Variants in THSD7A observed in about 807,000 individuals in gnomAD.
The protein encoded by THSD7A is thrombospondin type 1 domain containing 7A.
A neutral mutation model predicts 231.3 loss-of-function variants in THSD7A; 96 were observed. That is an observed-to-expected ratio of 0.41 (90% CI 0.35 to 0.49). The LOEUF (loss-of-function observed/expected upper bound fraction) is 0.49. Ranked by LOEUF, THSD7A falls within the 20% of genes least tolerant of loss-of-function variation. The pLI, the probability that THSD7A is intolerant of heterozygous loss-of-function variation, is 0.05. For missense variants in THSD7A, 2,290 were observed against 2,070.2 expected (o/e 1.11, Z -2.06); for synonymous variants, 940 against 743.3 (o/e 1.26, Z -4.30).
intron 9 of THSD7A, among the ~76,000 whole-genome samples, chr7:11,466,854 C>G (rs1458529099): frequency 1.3e-5 from 2 of 152,030 alleles, no homozygotes; most frequent in African/African-American, 4.8e-5. Context: ...TGCATTTTTA[C>G]TTACAGAGGT....
At chr7:11,787,227 A>G (rs1783820330) in intron 1 of THSD7A, among the ~76,000 whole-genome samples, 1 of 152,012 alleles carries the variant, frequency 6.6e-6, no homozygotes, top group Non-Finnish European at 1.5e-5. Flanking sequence ...TATATAATCT[A>G]GACACAGATC....
intron 1 of THSD7A, among the ~76,000 whole-genome samples, chr7:11,651,864 T>C (rs190855109): frequency 1.3e-5 from 2 of 152,100 alleles, no homozygotes; most frequent in African/African-American, 2.4e-5. Context: ...ATATTCTAAG[T>C]TCATCATCTG....
intron 1 of THSD7A, among the ~76,000 whole-genome samples, chr7:11,776,061 G>A (rs1386855065): frequency 6.6e-6 from 1 of 152,074 alleles, no homozygotes; most frequent in Non-Finnish European, 1.5e-5. Context: ...GGTTTCCTTT[G>A]TGGACCTCTT....
chr7:11,592,922 C>A (rs1780221271), intron 3 of THSD7A, among the ~76,000 whole-genome samples: 1 of 151,944 alleles, frequency 6.6e-6, no homozygotes, highest in Non-Finnish European at 1.5e-5. Flanking sequence ...TACATATTAC[C>A]TCTAGCTCCA....
At chr7:11,394,771 G>T (rs887018183) in intron 23 of THSD7A, among the ~76,000 whole-genome samples, 1 of 152,110 alleles carries the variant, frequency 6.6e-6, no homozygotes, top group African/African-American at 2.4e-5. Flanking sequence ...CCAGGCAGAC[G>T]CCTAGCTGCT....
intron 1 of THSD7A, among the ~76,000 whole-genome samples, chr7:11,698,976 T>C (rs1483874048): frequency 3.4e-5 from 2 of 59,168 alleles, no homozygotes; most frequent in Non-Finnish European, 4.6e-5. Context: ...TCACTGATTT[T>C]TTTTTTTTTT....
chr7:11,803,902 T>C (rs1364091015), intron 1 of THSD7A, among the ~76,000 whole-genome samples: 1 of 152,102 alleles, frequency 6.6e-6, no homozygotes, highest in Non-Finnish European at 1.5e-5. Context: ...CTATCACACA[T>C]CACACAGTAT....
intron 4 of THSD7A, among the ~76,000 whole-genome samples, chr7:11,555,993 G>A (rs191178499): frequency 2.0e-5 from 3 of 151,780 alleles, no homozygotes; most frequent in African/African-American, 7.2e-5. Flanking sequence ...GTTTCTTGTA[G>A]AATGTGAATA....
intron 4 of THSD7A, among the ~76,000 whole-genome samples, chr7:11,576,421 T>C (rs1471929970): frequency 6.6e-6 from 1 of 152,050 alleles, no homozygotes; most frequent in Non-Finnish European, 1.5e-5. Flanking sequence ...CTACATATTT[T>C]TACAGAAGAC....
chr7:11,756,595 G>GA (rs369992953), intron 1 of THSD7A, among the ~76,000 whole-genome samples: 3,306 of 148,050 alleles, frequency 0.022, 75 homozygotes, highest in African/African-American at 0.058. Flanking sequence ...CACAGGACAA[G>GA]AAAAAAAAAA....
intron 11 of THSD7A, among the ~76,000 whole-genome samples, chr7:11,447,838 C>G (rs921077056): frequency 1.3e-5 from 2 of 152,054 alleles, no homozygotes; most frequent in African/African-American, 2.4e-5. Flanking sequence ...CTAGGTATAT[C>G]TAATATTGTT....
intron 1 of THSD7A, among the ~76,000 whole-genome samples, chr7:11,801,552 T>C (rs1382832902): frequency 9.2e-5 from 14 of 152,264 alleles, no homozygotes; most frequent in Admixed American, 9.2e-4. Context: ...CCTCAAAATA[T>C]CGTGGATTCT....
chr7:11,444,783 CTGTGTGTGTG>C lies in THSD7A; in HGVS notation c.3064+1268_3064+1277del, dbSNP rs34985878. Among the ~76,000 whole-genome samples, 12 of 144,568 alleles carry C rather than the reference CTGTGTGTGTG, an allele frequency of 8.3e-5. 1 individual carries two copies. Among genetic ancestry groups the C allele is most frequent in the African/African-American group, 2.5e-4 (10 of 39,674 alleles). 94.8% of individuals were successfully genotyped at this position (144,568 alleles called of 152,430 possible). A position where few individuals can be genotyped will look rare whatever the true frequency, so the allele number is the denominator to read the frequency against. ...AAGAGAGGGGGCACAGTTGTCTGCT[CTGTGTGTGTG>C]TGTGTGTGTGTGTGTATAAACTATA... On this transcript the variant is annotated intron_variant, in intron 13 of 27. Transcript: ENST00000423059. The surrounding 1 kb of genome is among the most constrained non-coding windows in gnomAD (Gnocchi z 4.2).
At chr7:11,735,004 T>G (rs1429325414) in intron 1 of THSD7A, among the ~76,000 whole-genome samples, 1 of 151,926 alleles carries the variant, frequency 6.6e-6, no homozygotes, top group Non-Finnish European at 1.5e-5. Context: ...GTTGTAACAT[T>G]TTTCTGTAAG....
intron 22 of THSD7A, among the ~76,000 whole-genome samples, chr7:11,404,240 G>A (rs1266030286): frequency 6.6e-6 from 1 of 152,112 alleles, no homozygotes; most frequent in African/African-American, 2.4e-5. Context: ...TGTATCTCTG[G>A]CCTCAAGTCC....
chr7:11,570,950 T>G (rs1346036926), intron 4 of THSD7A, among the ~76,000 whole-genome samples: 1 of 152,126 alleles, frequency 6.6e-6, no homozygotes, highest in Non-Finnish European at 1.5e-5. Flanking sequence ...GTATTCTTAT[T>G]TTGGGGTTAT....
At chr7:11,627,537 G>A (rs957274644) in intron 2 of THSD7A, among the ~76,000 whole-genome samples, 2 of 151,952 alleles carry the variant, frequency 1.3e-5, no homozygotes, top group African/African-American at 4.8e-5. Context: ...TAAATGCAAA[G>A]TACTTTTTTA....
intron 4 of THSD7A, among the ~76,000 whole-genome samples, chr7:11,585,018 A>T (rs1791336498): frequency 6.6e-6 from 1 of 152,222 alleles, no homozygotes; most frequent in Non-Finnish European, 1.5e-5. Context: ...TCAAACAGCA[A>T]ATGTTTATTA....
chr7:11,469,803 G>C, intron 9 of THSD7A, 76 bp downstream of exon 9: 1 of 973,844 alleles, frequency 1.0e-6, no homozygotes, highest in Non-Finnish European at 1.6e-6. Context: ...CACAAACATT[G>C]CTAGGCCAGA....
Sources: allele counts gnomAD v4.1 joint callset (sites outside exome capture counted in the v4.1 genomes callset), GRCh38; gene constraint gnomAD v4.1.1; non-coding constraint Gnocchi (gnomAD v3.1); transcripts MANE v1.5; gene names NCBI Gene and HGNC (gene_info 2026-07-23, HGNC 2026-07-21).